The following STAG1 variants were observed in gnomAD, a reference collection of about 807,000 sequenced individuals.
STAG1 encodes the protein STAG1 cohesin complex component.
In STAG1, 26 loss-of-function variants were observed where a neutral mutation model predicts 170.9. The ratio of observed to expected loss-of-function variants is 0.15; its 90% CI spans 0.11 to 0.21. STAG1 has a LOEUF of 0.21. Ranked by LOEUF, STAG1 falls within the 10% of genes least tolerant of loss-of-function variation. The probability of loss-of-function intolerance (pLI) is 1.00; values close to 1 mark genes in which losing one functional copy is unlikely to be tolerated. For missense variants in STAG1, 964 were observed against 1,509.5 expected, an observed-to-expected ratio of 0.64 and a Z score of 5.99; for synonymous variants, 514 against 497.7, an observed-to-expected ratio of 1.03 and a Z score of -0.44.
At chr3:136,533,628 T>G (rs2107932883) in intron 6 of STAG1, among the ~76,000 whole-genome samples, 1 of 152,224 alleles carries the variant, frequency 6.6e-6, no homozygotes, top group African/African-American at 2.4e-5. Flanking sequence ...AGATATCTTG[T>G]GAATTCAAAG....
chr3:136,732,097 C>A (rs1934073410), intron 1 of STAG1, among the ~76,000 whole-genome samples: 1 of 152,016 alleles, frequency 6.6e-6, no homozygotes, highest in African/African-American at 2.4e-5. Context: ...GAAACTGAGG[C>A]CCAGAGAAGT....
chr3:136,512,786 C>G (rs1934138500), intron 7 of STAG1, among the ~76,000 whole-genome samples: 1 of 151,854 alleles, frequency 6.6e-6, no homozygotes, highest in Non-Finnish European at 1.5e-5. Flanking sequence ...GTGATGCTCA[C>G]CAATCTGGAA....
intron 6 of STAG1, among the ~76,000 whole-genome samples, chr3:136,540,848 A>AC (rs1178804672): frequency 7.7e-4 from 113 of 147,686 alleles, no homozygotes; most frequent in African/African-American, 2.4e-3. Flanking sequence ...AAAAAAAAAA[A>AC]AAAACCTATA....
intron 1 of STAG1, among the ~76,000 whole-genome samples, chr3:136,696,613 A>T (rs1195984408): frequency 6.6e-6 from 1 of 152,136 alleles, no homozygotes; most frequent in African/African-American, 2.4e-5. Context: ...GGTTGTGCAT[A>T]TTGGGGGAGT....
chr3:136,403,423 T>C (rs933969759), intron 21 of STAG1, among the ~76,000 whole-genome samples: 7 of 151,892 alleles, frequency 4.6e-5, no homozygotes, highest in Admixed American at 1.3e-4. Context: ...TACTGGAACA[T>C]TGTCAAGTTA....
chr3:136,498,400 A>C (rs974177646), intron 9 of STAG1, among the ~76,000 whole-genome samples: 3 of 150,980 alleles, frequency 2.0e-5, no homozygotes, highest in Non-Finnish European at 2.9e-5. Flanking sequence ...CACAAAAAAA[A>C]AACCCAGATA....
intron 11 of STAG1, among the ~76,000 whole-genome samples, chr3:136,472,908 A>G (rs189297155): frequency 7.1e-4 from 108 of 152,298 alleles, no homozygotes; most frequent in African/African-American, 2.5e-3. Context: ...GGGGTCCCCA[A>G]TCCTGGTCTG....
chr3:136,397,215 A>G (rs1012744665), intron 22 of STAG1, among the ~76,000 whole-genome samples: 4 of 152,230 alleles, frequency 2.6e-5, no homozygotes, highest in African/African-American at 9.6e-5. Context: ...TACATGAAAT[A>G]ACTGAAACAT....
At chr3:136,721,192 A>G (rs1221546157) in intron 1 of STAG1, among the ~76,000 whole-genome samples, 1 of 152,220 alleles carries the variant, frequency 6.6e-6, no homozygotes, top group Non-Finnish European at 1.5e-5. Context: ...CAAAAAAGAT[A>G]ATAAGCTTAC....
intron 1 of STAG1, among the ~76,000 whole-genome samples, chr3:136,665,950 A>G (rs1576736586): frequency 6.9e-6 from 1 of 144,194 alleles, no homozygotes; most frequent in Non-Finnish European, 1.5e-5. Context: ...TGGCGGGCAC[A>G]TGTAGTCCCA....
intron 22 of STAG1, among the ~76,000 whole-genome samples, chr3:136,392,713 C>A (rs2087042605): frequency 6.8e-6 from 1 of 146,528 alleles, no homozygotes; most frequent in Admixed American, 7.0e-5. Flanking sequence ...TTGCAGTGAG[C>A]CGAGATTGTG....
intron 21 of STAG1, among the ~76,000 whole-genome samples, chr3:136,403,573 G>A (rs951604748): frequency 1.3e-5 from 2 of 152,026 alleles, no homozygotes; most frequent in African/African-American, 4.8e-5. Flanking sequence ...ATTTGAATTT[G>A]AAACAACCCT....
intron 16 of STAG1, among the ~76,000 whole-genome samples, chr3:136,430,852 C>CACAG (rs1491420216): frequency 7.0e-6 from 1 of 141,854 alleles, no homozygotes; most frequent in Admixed American, 7.0e-5. Context: ...CACACACACA[C>CACAG]AGCCTTTTAC....
intron 14 of STAG1, among the ~76,000 whole-genome samples, chr3:136,448,525 G>A (rs1380958528): frequency 1.3e-5 from 2 of 152,146 alleles, no homozygotes; most frequent in Admixed American, 1.3e-4. Context: ...AAGAAAAACT[G>A]CCCTTATGAT....
chr3:136,599,650 G>A (rs567063511), intron 4 of STAG1, among the ~76,000 whole-genome samples: 1 of 152,172 alleles, frequency 6.6e-6, no homozygotes, highest in African/African-American at 2.4e-5. Context: ...GCTCTTTCAT[G>A]TTTTCTTACC....
At chr3:136,625,952 C>T (rs539588907) in intron 2 of STAG1, among the ~76,000 whole-genome samples, 1 of 152,290 alleles carries the variant, frequency 6.6e-6, no homozygotes, top group Non-Finnish European at 1.5e-5. Context: ...CTTTGGGAGG[C>T]TGAGGCACGA....
intron 19 of STAG1, among the ~76,000 whole-genome samples, chr3:136,421,861 GA>G (rs1217759352): frequency 6.6e-6 from 1 of 152,030 alleles, no homozygotes; most frequent in Non-Finnish European, 1.5e-5. Context: ...ACTTTAAAGA[GA>G]TTTTTTTGCC....
chr3:136,699,125 T>C (rs1267382660), intron 1 of STAG1, among the ~76,000 whole-genome samples: 1 of 152,158 alleles, frequency 6.6e-6, no homozygotes, highest in Non-Finnish European at 1.5e-5. Context: ...CAGTGTACAC[T>C]GCTTGGGTGA....
chr3:136,639,580 T>C (rs1940713943), intron 1 of STAG1, among the ~76,000 whole-genome samples: 1 of 152,218 alleles, frequency 6.6e-6, no homozygotes, highest in Admixed American at 6.5e-5. Context: ...AAAAATGTCC[T>C]CTGGCTTAAG....
Sources: allele counts gnomAD v4.1 joint callset (sites outside exome capture counted in the v4.1 genomes callset), GRCh38; gene constraint gnomAD v4.1.1; transcripts MANE v1.5; gene names NCBI Gene and HGNC (gene_info 2026-07-23, HGNC 2026-07-21).